ACSM6: variants seen among roughly 807,000 people sequenced by gnomAD.
The protein encoded by ACSM6 is acyl-coenzyme A synthetase ACSM6, mitochondrial.
Under a neutral mutation model 51.1 loss-of-function variants are expected in ACSM6, and 35 were observed. The observed-to-expected ratio is 0.69, with a 90% CI of 0.52 to 0.91. ACSM6 has a LOEUF of 0.91. Among genes scored for constraint, ACSM6 ranks in the 40% least tolerant of loss-of-function variants. The pLI, the probability that ACSM6 is intolerant of heterozygous loss-of-function variation, is 0.00. For synonymous variants in ACSM6, 172 were observed against 207.3 expected, an observed-to-expected ratio of 0.83 and a Z score of 1.46; for missense variants, 509 against 584.1, an observed-to-expected ratio of 0.87 and a Z score of 1.32.
chr10:95,200,801 G>A lies in ACSM6; in HGVS notation c.193-1184G>A, dbSNP rs145371018. Among the ~76,000 whole-genome samples the A allele has an allele frequency of 1.1e-3, 171 of 150,910 alleles. 1 individual carries two copies. Among genetic ancestry groups the A allele is most frequent in the African/African-American group, 3.8e-3 (158 of 41,062 alleles). ...GGAAAGGAGGGATGGGGAAAGAGGCGAGAGATGGGGGAAAGAGATGAGAGA... is the reference window on the plus strand; with the variant it reads ...GGAAAGGAGGGATGGGGAAAGAGGCAAGAGATGGGGGAAAGAGATGAGAGA... On this transcript the variant is annotated intron_variant, in intron 2 of 10. Coordinates refer to ENST00000341686, the Ensembl canonical transcript of ACSM6.
At chr10:95,218,546 C>T (rs1352950049) in intron 8 of ACSM6, among the ~76,000 whole-genome samples, 1 of 152,196 alleles carries the variant, frequency 6.6e-6, no homozygotes, top group Non-Finnish European at 1.5e-5. Context: ...GTTTCTTCCA[C>T]AAAGCAGACA....
At chr10:95,195,360 G>T (rs982076672) in intron 2 of ACSM6, among the ~76,000 whole-genome samples, 1 of 152,188 alleles carries the variant, frequency 6.6e-6, no homozygotes, top group African/African-American at 2.4e-5. Context: ...GTCTAGGCAG[G>T]AACAACCACA....
chr10:95,220,873 A>G (rs1019520150), intron 9 of ACSM6, among the ~76,000 whole-genome samples: 17 of 146,122 alleles, frequency 1.2e-4, no homozygotes, highest in Admixed American at 6.8e-5. Context: ...TAAAAAGGTA[A>G]AATAGTTTTT....
chr10:95,222,603 A>T (rs1449960762), intron 9 of ACSM6, among the ~76,000 whole-genome samples: 1 of 151,508 alleles, frequency 6.6e-6, no homozygotes, highest in African/African-American at 2.4e-5. Context: ...AGCCTGGGTG[A>T]CACAGCAAGA....
chr10:95,224,929 C>A (rs773124941), intron 9 of ACSM6, among the ~76,000 whole-genome samples: 5 of 152,188 alleles, frequency 3.3e-5, no homozygotes, highest in Non-Finnish European at 7.4e-5. Context: ...ACTAACCAGG[C>A]AATGGAGCCC....
intron 4 of ACSM6, 28 bp downstream of exon 4, chr10:95,207,443 T>A: frequency 6.3e-7 from 1 of 1,593,348 alleles, no homozygotes; most frequent in Non-Finnish European, 8.6e-7. Flanking sequence ...ATGAGATGCT[T>A]AAATGAAGGA....
intron 8 of ACSM6, among the ~76,000 whole-genome samples, chr10:95,215,873 A>ACCAT (rs1564590401): frequency 6.6e-6 from 1 of 152,164 alleles, no homozygotes; most frequent in Non-Finnish European, 1.5e-5. Flanking sequence ...TCTCACAGAC[A>ACCAT]GGGAGAGAGA....
chr10:95,197,745 T>G (rs1447017240), intron 2 of ACSM6, among the ~76,000 whole-genome samples: 2 of 152,160 alleles, frequency 1.3e-5, no homozygotes, highest in African/African-American at 2.4e-5. Context: ...TTTCCTCTTT[T>G]ACTAATCCAC....
chr10:95,198,822 C>T (rs34246390), intron 2 of ACSM6, among the ~76,000 whole-genome samples: 11,819 of 152,096 alleles, frequency 0.078, 589 homozygotes, highest in Middle Eastern at 0.15. Flanking sequence ...GGGGAAGGCC[C>T]ATCCCATCCC....
intron 8 of ACSM6, among the ~76,000 whole-genome samples, chr10:95,219,341 ATT>A (rs1169683165): frequency 6.6e-6 from 1 of 152,058 alleles, no homozygotes; most frequent in African/African-American, 2.4e-5. Context: ...CAAAAACAAT[ATT>A]TTCTCATAAA....
chr10:95,204,506 A>G (rs1011401220), intron 3 of ACSM6, among the ~76,000 whole-genome samples: 1 of 152,178 alleles, frequency 6.6e-6, no homozygotes, highest in African/African-American at 2.4e-5. Flanking sequence ...GTCAGCCAAG[A>G]TCACGCCACT....
chr10:95,204,041 T>C (rs1288363799), intron 3 of ACSM6, among the ~76,000 whole-genome samples: 9 of 152,032 alleles, frequency 5.9e-5, no homozygotes, highest in Admixed American at 6.6e-5. Flanking sequence ...TGAGGGACAA[T>C]TGATCCATGT....
intron 2 of ACSM6, among the ~76,000 whole-genome samples, chr10:95,197,451 C>T (rs35749969): frequency 8.6e-5 from 13 of 150,680 alleles, no homozygotes; most frequent in Non-Finnish European, 1.5e-4. Flanking sequence ...AGGTCAGCAA[C>T]AAACATGTGA....
intron 5 of ACSM6, 49 bp downstream of exon 5, chr10:95,210,842 G>T (rs2034886620): frequency 1.3e-6 from 2 of 1,573,004 alleles, no homozygotes; most frequent in African/African-American, 1.4e-5. Context: ...TTCTCTTGCA[G>T]GTAAAGGGAG....
intron 3 of ACSM6, among the ~76,000 whole-genome samples, chr10:95,203,423 C>G (rs2034813266): frequency 6.6e-6 from 1 of 152,056 alleles, no homozygotes. Flanking sequence ...ATCCTCTTGC[C>G]TCAGTCTGTG....
At chr10:95,210,466 C>T (rs1195974873) in intron 4 of ACSM6, among the ~76,000 whole-genome samples, 184 bp from the exon 5 acceptor site, 2 of 152,088 alleles carry the variant, frequency 1.3e-5, no homozygotes, top group Admixed American at 6.5e-5. Flanking sequence ...TCTTATGCAA[C>T]AAAAATTAAT....
Position 95,211,872 on chromosome 10 carries a change from C to T in ACSM6, c.756-6C>T. On this transcript the variant is annotated splice_region_variant and splice_polypyrimidine_tract_variant and intron_variant, in intron 5 of 10. Coordinates refer to ENST00000341686, the Ensembl canonical transcript of ACSM6. ...GAATTCAAATGGCTTTCCTCTTTCTCTTTAGACGGTGGATGGATCTCCAGC... is the reference window on the plus strand; with the variant it reads ...GAATTCAAATGGCTTTCCTCTTTCTTTTTAGACGGTGGATGGATCTCCAGC... 6.3e-7 allele frequency: 1 copy of T among 1,593,416 alleles called. No homozygotes were observed. The highest frequency in any genetic ancestry group is 8.5e-7 in the Non-Finnish European group (1 of 1,171,724).
intron 4 of ACSM6, among the ~76,000 whole-genome samples, chr10:95,208,463 C>T (rs757687712): frequency 6.6e-6 from 1 of 152,100 alleles, no homozygotes; most frequent in Non-Finnish European, 1.5e-5. Flanking sequence ...CACTTGTTCC[C>T]CTTAAGTTTA....
intron 8 of ACSM6, among the ~76,000 whole-genome samples, chr10:95,218,896 A>G (rs2034968509): frequency 6.6e-6 from 1 of 152,226 alleles, no homozygotes; most frequent in South Asian, 2.1e-4. Flanking sequence ...CCAATTTGTT[A>G]GCATGTAAAC....
Sources: gnomAD v4.1 joint callset for allele counts (sites outside exome capture counted in the v4.1 genomes callset) on GRCh38, gnomAD v4.1.1 for gene constraint, MANE v1.5 for transcripts, NCBI Gene and HGNC (gene_info 2026-07-23, HGNC 2026-07-21) for gene names.